Variants in BMPR2 observed in about 807,000 individuals in gnomAD.
The protein encoded by BMPR2 is bone morphogenetic protein receptor type-2.
BMPR2 carries 29 observed loss-of-function variants against 100.8 expected under a neutral mutation model. The ratio of observed to expected loss-of-function variants is 0.29; its 90% CI spans 0.21 to 0.39. The LOEUF is 0.39. Ranked by LOEUF, BMPR2 falls within the 10% of genes least tolerant of loss-of-function variation. The pLI is 1.00. For missense variants in BMPR2, 1,011 were observed against 1,274.5 expected (o/e 0.79, Z 3.15); for synonymous variants, 382 against 442.3 (o/e 0.86, Z 1.71).
intron 3 of BMPR2, among the ~76,000 whole-genome samples, chr2:202,487,454 G>T (rs1574473600): frequency 6.6e-6 from 1 of 152,078 alleles, no homozygotes; most frequent in African/African-American, 2.4e-5. Flanking sequence ...AATAAATAAT[G>T]ATCAGATTTC....
chr2:202,433,349 T>C (rs960588358), intron 1 of BMPR2, among the ~76,000 whole-genome samples: 1 of 150,482 alleles, frequency 6.6e-6, no homozygotes, highest in Non-Finnish European at 1.5e-5. Flanking sequence ...ATGAAAAAAC[T>C]CTGCATGTTT....
In BMPR2 at chr2:202,428,214, C is replaced by T. The variant is rs1009456044; in HGVS notation, c.77-36595C>T. Among the ~76,000 whole-genome samples, 17 of 152,202 alleles carry T rather than the reference C, an allele frequency of 1.1e-4. No individual in the cohort carries two copies. In the South Asian group the frequency reaches 1.5e-3, roughly 13 times the overall value. On this transcript the variant is annotated intron_variant, in intron 1 of 12. Transcript: ENST00000374580. ...TTTACCTTTTACCCTTTTCTTAGCA[C>T]GTGCACACACATGTGTGCACATACT...
intron 1 of BMPR2, among the ~76,000 whole-genome samples, chr2:202,448,604 G>A (rs1453492286): frequency 3.3e-5 from 5 of 151,072 alleles, no homozygotes; most frequent in South Asian, 2.1e-4. Context: ...CTACAGGCAC[G>A]TGCCACCATG....
intron 10 of BMPR2, among the ~76,000 whole-genome samples, chr2:202,545,415 T>G (rs1032853304): frequency 1.3e-5 from 2 of 152,042 alleles, no homozygotes; most frequent in African/African-American, 4.8e-5. Context: ...CAGAATGTAA[T>G]AAGAGTGATT....
intron 1 of BMPR2, among the ~76,000 whole-genome samples, chr2:202,428,446 T>C (rs1385696771): frequency 6.6e-6 from 1 of 152,058 alleles, no homozygotes; most frequent in Non-Finnish European, 1.5e-5. Context: ...TCTGCCAGGC[T>C]GGAGCGCAAT....
intron 7 of BMPR2, among the ~76,000 whole-genome samples, chr2:202,527,458 C>T (rs1687937585): frequency 6.6e-6 from 1 of 150,776 alleles, no homozygotes; most frequent in African/African-American, 2.4e-5. Flanking sequence ...CACTGCACTC[C>T]AGCCTGGGCG....
chr2:202,395,026 G>C (rs1174451409), intron 1 of BMPR2, among the ~76,000 whole-genome samples: 1 of 149,102 alleles, frequency 6.7e-6, no homozygotes, highest in Non-Finnish European at 1.5e-5. Flanking sequence ...TGGGACTACA[G>C]GTGCCCGCCA....
At chr2:202,448,474 A>AAT (rs1691902214) in intron 1 of BMPR2, among the ~76,000 whole-genome samples, 2 of 150,494 alleles carry the variant, frequency 1.3e-5, no homozygotes, top group African/African-American at 2.4e-5. Flanking sequence ...AAAAAATAAA[A>AAT]AAAAAAAAGT....
At chr2:202,410,480 AAAAT>A (rs1280766901) in intron 1 of BMPR2, among the ~76,000 whole-genome samples, 2 of 152,256 alleles carry the variant, frequency 1.3e-5, no homozygotes, top group African/African-American at 4.8e-5. Flanking sequence ...AAGCTAAGAC[AAAAT>A]AAATAATCAT....
chr2:202,385,585 C>T (rs1285586402), intron 1 of BMPR2, among the ~76,000 whole-genome samples: 1 of 148,084 alleles, frequency 6.8e-6, no homozygotes, highest in African/African-American at 2.5e-5. Context: ...AGGCTGGTCT[C>T]GAACTCCTGA....
intron 3 of BMPR2, among the ~76,000 whole-genome samples, chr2:202,480,954 A>T (rs1043700714): frequency 5.3e-5 from 3 of 56,216 alleles, no homozygotes; most frequent in Admixed American, 3.9e-4. Context: ...GACTCCGTCT[A>T]AAAAAAAAAA....
intron 1 of BMPR2, among the ~76,000 whole-genome samples, chr2:202,394,362 A>AGT (rs1168399727): frequency 2.7e-5 from 4 of 146,314 alleles, no homozygotes; most frequent in African/African-American, 7.4e-5. Flanking sequence ...AAAAAAAAAA[A>AGT]AGTAATAATA....
Position 202,556,339 on chromosome 2 carries a change from G to A in BMPR2, c.2674G>A (p.Glu892Lys), listed in dbSNP as rs960819063. Reference protein sequence around the residue: ...GVLDRLVDRRERPLEGGRTNS... With the variant: ...GVLDRLVDRRKRPLEGGRTNS... ...TCTGGATCGTCTTGTGGACAGGAGGGAACGGCCACTAGAAGGTGGCCGAAC... is the reference window on the plus strand; with the variant it reads ...TCTGGATCGTCTTGTGGACAGGAGGAAACGGCCACTAGAAGGTGGCCGAAC... The change falls in exon 12 of 13, where the codon GAA (glutamate) becomes AAA (lysine). Residue 892 changes from glutamate to lysine, a missense_variant. By Grantham distance (56) the Glu-to-Lys change is moderately conservative. Transcript: ENST00000374580. The A allele has an allele frequency of 6.2e-6, 10 of 1,614,196 alleles. No homozygotes were observed. Among genetic ancestry groups the A allele is most frequent in the Non-Finnish European group, 8.5e-6 (10 of 1,180,026 alleles).
intron 3 of BMPR2, among the ~76,000 whole-genome samples, chr2:202,488,195 A>T (rs1164135871): frequency 6.6e-6 from 1 of 152,040 alleles, no homozygotes; most frequent in Non-Finnish European, 1.5e-5. Context: ...CTATCCGTGA[A>T]CTCCTGTTGA....
intron 3 of BMPR2, among the ~76,000 whole-genome samples, chr2:202,505,700 G>A (rs1238242675): frequency 6.6e-6 from 1 of 152,080 alleles, no homozygotes; most frequent in Non-Finnish European, 1.5e-5. Flanking sequence ...TTATTTTATG[G>A]ATAAAGAAGT....
rs545148216 is a variant in BMPR2, at chr2:202,455,164, A to G, written c.77-9645A>G. Among the ~76,000 whole-genome samples the G allele has an allele frequency of 6.6e-5, 10 of 152,344 alleles. No individual in the cohort carries two copies. The South Asian group carries it at 1.9e-3, about 28-fold the overall frequency. ...AATTTTAAGTCTTACAGCAGTGGCT[A>G]TTTAAATTTACATTGCAATTAATTG... On this transcript the variant is annotated intron_variant, in intron 1 of 12. Transcript: ENST00000374580.
At chr2:202,527,003 A>G (rs1686252151) in intron 7 of BMPR2, among the ~76,000 whole-genome samples, 1 of 152,080 alleles carries the variant, frequency 6.6e-6, no homozygotes, top group African/African-American at 2.4e-5. Context: ...AGCTGGGATT[A>G]CAGACGTCCA....
At chr2:202,382,934 C>T (rs1476213541) in intron 1 of BMPR2, among the ~76,000 whole-genome samples, 1 of 152,210 alleles carries the variant, frequency 6.6e-6, no homozygotes, top group African/African-American at 2.4e-5. Flanking sequence ...TTGATGCCCT[C>T]ATCAGCCAGT....
chr2:202,403,033 G>A (rs575425810), intron 1 of BMPR2, among the ~76,000 whole-genome samples: 1 of 151,620 alleles, frequency 6.6e-6, no homozygotes, highest in Non-Finnish European at 1.5e-5. Context: ...TCTCCATGTT[G>A]GTCAGGCTGG....
Sources: gnomAD v4.1 joint callset for allele counts (sites outside exome capture counted in the v4.1 genomes callset) on GRCh38, gnomAD v4.1.1 for gene constraint, MANE v1.5 for transcripts, NCBI Gene and HGNC (gene_info 2026-07-23, HGNC 2026-07-21) for gene names.